Variants in AKAP12 observed in about 807,000 individuals in gnomAD.
AKAP12 encodes A-kinase anchor protein 12.
A neutral mutation model predicts 79.9 loss-of-function variants in AKAP12; 32 were observed. The ratio of observed to expected loss-of-function variants is 0.40; its 90% confidence interval spans 0.30 to 0.54. AKAP12 has a LOEUF of 0.54. Ranked by LOEUF, AKAP12 falls within the 20% of genes least tolerant of loss-of-function variation. The probability of loss-of-function intolerance (pLI) is 0.48; values close to 1 mark genes in which losing one functional copy is unlikely to be tolerated. For synonymous variants in AKAP12, 808 were observed against 857.0 expected, an observed-to-expected ratio of 0.94 and a Z score of 1.00; for missense variants, 2,074 against 2,177.0, an observed-to-expected ratio of 0.95 and a Z score of 0.94.
rs1778321950 is a variant in AKAP12, at chr6:151,352,447, T to C, written c.4056T>C (p.His1352=). 1.2e-6 allele frequency: 2 copies of C among 1,613,974 alleles called. No homozygotes were observed. The highest frequency in any genetic ancestry group is 1.3e-5 in the African/African-American group (1 of 74,880). The part of the protein sequence containing the change: ...EREKTEAEPT[H]VNEEKLEHET... The stretch of plus-strand genomic sequence containing the variant: ...AGAAAACAGAAGCAGAGCCAACCCA[T>C]GTGAATGAAGAGAAGCTTGAGCACG... The change falls in exon 4 of 5, where the codon CAT becomes CAC. Residue 1352 remains histidine (H), a synonymous_variant. Transcript: ENST00000402676.
intron 2 of AKAP12, among the ~76,000 whole-genome samples, chr6:151,252,229 C>T (rs1229248723): frequency 1.4e-4 from 21 of 150,746 alleles, no homozygotes; most frequent in African/African-American, 4.9e-4. Context: ...GATGGAGTCT[C>T]GCTCTGTCAC....
intron 3 of AKAP12, among the ~76,000 whole-genome samples, chr6:151,309,963 C>T (rs148812824): frequency 0.012 from 1,752 of 142,342 alleles, 31 homozygotes; most frequent in African/African-American, 0.042. Flanking sequence ...CTGCTTCTAC[C>T]GAAAAGATGA....
chr6:151,350,055 C>G lies in AKAP12; in HGVS notation c.1664C>G (p.Pro555Arg). The change falls in exon 4 of 5, where the codon CCG (proline) becomes CGG (arginine). Residue 555 changes from proline to arginine, a missense_variant. By Grantham distance (103) the Pro-to-Arg change is moderately radical. This residue lies in a region of AKAP12 where 1,428 missense variants were observed against 1,451.0 expected (regional missense o/e 0.98). Transcript: ENST00000402676. The surrounding 1 kb of genome is among the most constrained non-coding windows in gnomAD (Gnocchi z 4.8). Reference protein sequence around the residue: ...GEHTQVPADSPDSQEEQKGES... With the variant: ...GEHTQVPADSRDSQEEQKGES... ...CACACTCAGGTTCCAGCCGATTCTC[C>G]GGACAGCCAGGAGGAGCAAAAGGGC... The G allele has an allele frequency of 3.1e-6, 5 of 1,614,062 alleles. No homozygotes were observed. The Admixed American group carries it at 8.3e-5, about 27-fold the overall frequency.
intron 2 of AKAP12, among the ~76,000 whole-genome samples, chr6:151,268,945 GT>G (rs558502756): frequency 3.9e-3 from 303 of 77,194 alleles, no homozygotes; most frequent in Non-Finnish European, 5.3e-3. Flanking sequence ...TGCTCGGCCT[GT>G]TTTTTTTTTT....
chr6:151,329,257 A>G (rs1777610395), intron 3 of AKAP12, among the ~76,000 whole-genome samples: 1 of 152,060 alleles, frequency 6.6e-6, no homozygotes, highest in Admixed American at 6.6e-5. Context: ...CTGGGATTAC[A>G]GGCACCTGCC....
At chr6:151,320,333 TG>T (rs1370571366) in intron 3 of AKAP12, among the ~76,000 whole-genome samples, 2 of 152,016 alleles carry the variant, frequency 1.3e-5, no homozygotes, top group Non-Finnish European at 2.9e-5. Context: ...TTGCCCAGGC[TG>T]GTCTCGCACT....
chr6:151,351,197 G>T lies in AKAP12; in HGVS notation c.2806G>T (p.Val936Leu). Residue 936 changes from valine to leucine, a missense_variant, in exon 4 of 5, where the codon GTA (valine) becomes TTA (leucine). By Grantham distance (32) the Val-to-Leu change is conservative (BLOSUM62 1). Coordinates refer to ENST00000402676, the MANE Select transcript of AKAP12 (RefSeq NM_005100.4). This position sits in a 1 kb window ranked among gnomAD's most constrained non-coding sequence, Gnocchi z 4.4. ...EAEAALLTEEVLEREVIAEEE... is the reference protein window; with the variant it reads ...EAEAALLTEELLEREVIAEEE... ...TGAAGCCGCACTGTTAACTGAGGAGGTATTGGAAAGAGAAGTAATTGCAGA... is the reference window on the plus strand; with the variant it reads ...TGAAGCCGCACTGTTAACTGAGGAGTTATTGGAAAGAGAAGTAATTGCAGA... The T allele has an allele frequency of 6.2e-7, 1 of 1,614,230 alleles. No homozygotes were observed.
In AKAP12 at chr6:151,349,574, A is replaced by C; in HGVS notation, c.1183A>C (p.Lys395Gln). The change falls in exon 4 of 5, where the codon AAA becomes CAA. Residue 395 changes from lysine to glutamine, a missense_variant. This residue lies in a region of AKAP12 where 1,428 missense variants were observed against 1,451.0 expected (regional missense o/e 0.98). Transcript: ENST00000402676. The stretch of plus-strand genomic sequence containing the variant: ...TGGCTCGCAGGGACCTTCTGAAGAG[A>C]AACCTGCTCCGTTGGCGACAGAAGT... Reference protein sequence around the residue: ...VSGSQGPSEEKPAPLATEVFD... With the variant: ...VSGSQGPSEEQPAPLATEVFD... 6.2e-7 allele frequency: 1 copy of C among 1,610,836 alleles called. No individual in the cohort carries two copies. Among genetic ancestry groups the C allele is most frequent in the Non-Finnish European group, 8.5e-7 (1 of 1,179,124 alleles).
intron 3 of AKAP12, among the ~76,000 whole-genome samples, chr6:151,326,586 T>G (rs966809912): frequency 6.6e-6 from 1 of 152,088 alleles, no homozygotes; most frequent in African/African-American, 2.4e-5. Flanking sequence ...ATTTACTGCC[T>G]ACTTCTAGCA....
intron 2 of AKAP12, among the ~76,000 whole-genome samples, chr6:151,252,732 GAAA>G (rs1185564468): frequency 3.1e-5 from 3 of 95,820 alleles, no homozygotes; most frequent in Non-Finnish European, 6.2e-5. Context: ...CTGTCTCTGG[GAAA>G]AAAAAAAAAA....
Position 151,358,039 on chromosome 6 carries a change from T to TA in AKAP12, c.*2326dup, listed in dbSNP as rs1778485119. Reference sequence around the variant, plus strand: ...TGTACTATCTGGATGTGCCCAGAGTTACTTCTGTACAAGCTCTGTATCTAT... The same window carrying TA: ...TGTACTATCTGGATGTGCCCAGAGTTAACTTCTGTACAAGCTCTGTATCTAT... On this transcript the variant is annotated 3_prime_UTR_variant, in exon 5 of 5. Coordinates refer to ENST00000402676, the MANE Select transcript of AKAP12 (RefSeq NM_005100.4). 6.6e-6 allele frequency: 1 copy of TA among 152,214 alleles called. No individual in the cohort carries two copies. Among genetic ancestry groups the TA allele is most frequent in the Non-Finnish European group, 1.5e-5 (1 of 68,050 alleles). 9.4% of individuals were successfully genotyped at this position (152,214 alleles called of 1,614,324 possible).
At chr6:151,342,996 C>T (rs1201584152) in intron 3 of AKAP12, among the ~76,000 whole-genome samples, 1 of 152,194 alleles carries the variant, frequency 6.6e-6, no homozygotes, top group Non-Finnish European at 1.5e-5. Flanking sequence ...CTCCTGACCT[C>T]AAGTAAACCG....
intron 2 of AKAP12, among the ~76,000 whole-genome samples, chr6:151,275,282 G>T (rs910344221): frequency 6.6e-6 from 1 of 152,078 alleles, no homozygotes; most frequent in African/African-American, 2.4e-5. Context: ...TTTGAAAGGC[G>T]AGAGGTTTGC....
At position 151,352,319 on chromosome 6, in the gene AKAP12, G is replaced by A; in HGVS notation, c.3928G>A (p.Glu1310Lys). Residue 1310 changes from glutamate (E) to lysine (K), a missense_variant, in exon 4 of 5, where the codon GAA becomes AAA. By Grantham distance (56) the Glu-to-Lys change is moderately conservative. Around this residue, in one of 3 missense-constraint regions of AKAP12, gnomAD observed 614 missense variants for 665.6 expected, o/e 0.92. Transcript: ENST00000402676. ...AGTTGCCCTTAAAGGTGAAGGGACA[G>A]AAGAAGCTGAATGTAAAAAGGATGA... ...TEVALKGEGT[E>K]EAECKKDDAL... The A allele has an allele frequency of 1.2e-6, 2 of 1,614,212 alleles. No homozygotes were observed. Among genetic ancestry groups the A allele is most frequent in the Non-Finnish European group, 1.7e-6 (2 of 1,180,056 alleles).
intron 2 of AKAP12, among the ~76,000 whole-genome samples, chr6:151,256,334 G>T (rs562065943): frequency 6.6e-6 from 1 of 152,168 alleles, no homozygotes; most frequent in Admixed American, 6.6e-5. Context: ...AGTTTGGAAA[G>T]GCCAGGCTAG....
Position 151,358,474 on chromosome 6 carries a change from T to C in AKAP12, c.*2760T>C, listed in dbSNP as rs1243626702. On this transcript the variant is annotated 3_prime_UTR_variant, in exon 5 of 5. Coordinates refer to ENST00000402676, the MANE Select transcript of AKAP12 (RefSeq NM_005100.4). ...AATTACCTCTAGTCGAAGACAATAT[T>C]TGATTCCTAGTTCTGTTTGGGGCAA... 1 of 152,248 alleles carries C rather than the reference T, an allele frequency of 6.6e-6. No individual in the cohort carries two copies. The highest frequency in any genetic ancestry group is 1.5e-5 in the Non-Finnish European group (1 of 68,042). 9.4% of individuals were successfully genotyped at this position (152,248 alleles called of 1,614,324 possible). A position where few individuals can be genotyped will look rare whatever the true frequency, so the allele number is the denominator to read the frequency against.
At chr6:151,324,157 AGTT>A in intron 3 of AKAP12, 1 of 985,352 alleles carries the variant, frequency 1.0e-6, no homozygotes, top group African/African-American at 1.7e-5. Flanking sequence ...TGTGAAATAG[AGTT>A]GAGACTTCTC....
At chr6:151,253,511 C>T (rs1375590938) in intron 2 of AKAP12, among the ~76,000 whole-genome samples, 1 of 151,890 alleles carries the variant, frequency 6.6e-6, no homozygotes, top group Non-Finnish European at 1.5e-5. Context: ...CAGGCATGAG[C>T]CACTGCACCC....
intron 3 of AKAP12, among the ~76,000 whole-genome samples, chr6:151,316,631 T>G (rs1388409516): frequency 6.6e-6 from 1 of 152,152 alleles, no homozygotes; most frequent in African/African-American, 2.4e-5. Flanking sequence ...CCAAATTTCC[T>G]GTTCTTATAA....
Sources: allele counts gnomAD v4.1 joint callset (sites outside exome capture counted in the v4.1 genomes callset), GRCh38; gene constraint gnomAD v4.1.1; regional missense constraint gnomAD v4.1.1; non-coding constraint Gnocchi (gnomAD v3.1); transcripts MANE v1.5; gene names NCBI Gene and HGNC (gene_info 2026-07-23, HGNC 2026-07-21).